UBE3C: variants seen among roughly 807,000 people sequenced by gnomAD.
The protein encoded by UBE3C is ubiquitin-protein ligase E3C.
In UBE3C, 42 loss-of-function variants were observed where a neutral mutation model predicts 129.4. The ratio of observed to expected loss-of-function variants is 0.32; its 90% CI spans 0.25 to 0.42. UBE3C has a LOEUF of 0.42. Among genes scored for constraint, UBE3C ranks in the 10% least tolerant of loss-of-function variants. The pLI is 1.00. For synonymous variants in UBE3C, 510 were observed against 492.4 expected, an observed-to-expected ratio of 1.04 and a Z score of -0.47; for missense variants, 1,049 against 1,319.1, an observed-to-expected ratio of 0.80 and a Z score of 3.17.
intron 17 of UBE3C, among the ~76,000 whole-genome samples, chr7:157,230,743 C>T (rs1796001733): frequency 6.8e-6 from 1 of 146,036 alleles, no homozygotes; most frequent in Non-Finnish European, 1.5e-5. Context: ...ATTTAGGTAT[C>T]TGTATTGGGC....
chr7:157,182,239 T>C lies in UBE3C; in HGVS notation c.902T>C (p.Leu301Pro). 6.2e-7 allele frequency: 1 copy of C among 1,614,230 alleles called. No homozygotes were observed. Among genetic ancestry groups the C allele is most frequent in the Non-Finnish European group, 8.5e-7 (1 of 1,180,036 alleles). The change falls in exon 8 of 23, where the codon CTG becomes CCG. Residue 301 changes from leucine to proline, a missense_variant. Physicochemically the swap from Leu to Pro is moderately conservative, Grantham distance 98 (BLOSUM62 -3). Around this residue, in one of 4 missense-constraint regions of UBE3C, gnomAD observed 489 missense variants for 513.8 expected, o/e 0.95. Coordinates refer to ENST00000348165, the MANE Select transcript of UBE3C (RefSeq NM_014671.3). Reference protein sequence around the residue: ...VFPYEPFLNALLLIESRCSRK... With the variant: ...VFPYEPFLNAPLLIESRCSRK... ...CCTTACGAGCCCTTTCTGAATGCAC[T>C]GTTGTTAATAGAGAGTAGATGTTCA... is the stretch of plus-strand genomic sequence containing the variant.
At chr7:157,179,315 G>A (rs1434419746) in intron 6 of UBE3C, among the ~76,000 whole-genome samples, 1 of 151,946 alleles carries the variant, frequency 6.6e-6, no homozygotes, top group African/African-American at 2.4e-5. Context: ...CCAAGAGTGA[G>A]GTCCTTTCAC....
At chr7:157,140,125 C>G in intron 1 of UBE3C, 3 of 711,606 alleles carry the variant, frequency 4.2e-6, no homozygotes, top group Non-Finnish European at 5.2e-6. Context: ...ACTGGAACCG[C>G]TAAGTCGTTG....
intron 18 of UBE3C, among the ~76,000 whole-genome samples, chr7:157,247,206 C>T (rs1296262741): frequency 6.6e-6 from 1 of 151,990 alleles, no homozygotes; most frequent in East Asian, 1.9e-4. Flanking sequence ...TATTCTAACA[C>T]GAATGGCTTT....
At chr7:157,232,044 C>T (rs1796035120) in intron 18 of UBE3C, among the ~76,000 whole-genome samples, 1 of 152,290 alleles carries the variant, frequency 6.6e-6, no homozygotes, top group African/African-American at 2.4e-5. Context: ...ATCCATTCTT[C>T]TGGTTTTGCC....
chr7:157,234,186 A>G (rs1173535938), intron 18 of UBE3C, among the ~76,000 whole-genome samples: 1 of 147,716 alleles, frequency 6.8e-6, no homozygotes, highest in Non-Finnish European at 1.5e-5. Flanking sequence ...AACATTTTTA[A>G]TTTTGAAGTC....
chr7:157,183,933 C>G lies in UBE3C; in HGVS notation c.1047C>G (p.Leu349=). The G allele has an allele frequency of 6.2e-7, 1 of 1,614,218 alleles. No individual in the cohort carries two copies. The highest frequency in any genetic ancestry group is 8.5e-7 in the Non-Finnish European group (1 of 1,180,044). ...ATTTGCGGGTGCTGCAGACCTTCCT[C>G]TCTCAGTTACCAGTCTCTCCTGCCA... The part of the protein sequence containing the change: ...LVYLRVLQTF[L]SQLPVSPASA... Residue 349 remains leucine, a synonymous_variant, in exon 9 of 23, where the codon CTC becomes CTG. Transcript: ENST00000348165.
At chr7:157,210,230 T>C (rs1288475952) in intron 13 of UBE3C, among the ~76,000 whole-genome samples, 1 of 152,206 alleles carries the variant, frequency 6.6e-6, no homozygotes, top group African/African-American at 2.4e-5. Flanking sequence ...GTGATTGTTT[T>C]AGGTTTGAAA....
At chr7:157,176,936 C>T (rs1253101824) in intron 5 of UBE3C, among the ~76,000 whole-genome samples, 4 of 152,188 alleles carry the variant, frequency 2.6e-5, no homozygotes, top group Non-Finnish European at 5.9e-5. Flanking sequence ...TTATCTGCCA[C>T]GTGCCAGAAC....
At chr7:157,175,394 C>T (rs1483812526) in intron 5 of UBE3C, among the ~76,000 whole-genome samples, 1 of 152,042 alleles carries the variant, frequency 6.6e-6, no homozygotes, top group Non-Finnish European at 1.5e-5. Flanking sequence ...CACCAAAATG[C>T]AGTTTGAAAG....
chr7:157,139,192 G>A lies in UBE3C; in HGVS notation c.-81G>A. The A allele has an allele frequency of 9.4e-7, 1 of 1,059,842 alleles. No homozygotes were observed. The highest frequency in any genetic ancestry group is 1.2e-6 in the Non-Finnish European group (1 of 861,452). The allele number at this position is 1,059,842 out of a possible 1,614,324, so 65.7% of individuals were successfully genotyped here. The stretch of plus-strand genomic sequence containing the variant: ...CCCGGGCCGGGCGGGCGGGCGCCGA[G>A]AGCCTCCCAGCCCGCCCCGTGCCCC... On this transcript the variant is annotated 5_prime_UTR_variant, in exon 1 of 23. Coordinates refer to ENST00000348165, the MANE Select transcript of UBE3C (RefSeq NM_014671.3).
chr7:157,256,827 T>A, intron 21 of UBE3C, 87 bp from the exon 22 acceptor site: 1 of 1,538,752 alleles, frequency 6.5e-7, no homozygotes, highest in Non-Finnish European at 8.8e-7. Context: ...GGACTTTAGT[T>A]TCCGTGGGTG....
intron 18 of UBE3C, 121 bp downstream of exon 18, chr7:157,231,448 A>C (rs1796019455): frequency 1.4e-6 from 2 of 1,461,816 alleles, no homozygotes; most frequent in Non-Finnish European, 1.8e-6. Flanking sequence ...TGGATGCTAA[A>C]TGTTGCAAAA....
At chr7:157,172,422 A>C (rs983496840) in intron 4 of UBE3C, among the ~76,000 whole-genome samples, 1 of 152,240 alleles carries the variant, frequency 6.6e-6, no homozygotes, top group Non-Finnish European at 1.5e-5. Context: ...ACAGTGAAAA[A>C]TAAGTCTTCC....
intron 18 of UBE3C, among the ~76,000 whole-genome samples, chr7:157,235,148 C>T (rs192611091): frequency 1.3e-5 from 2 of 152,150 alleles, no homozygotes; most frequent in African/African-American, 2.4e-5. Flanking sequence ...CAAGGCCTTA[C>T]CATTGCACTC....
intron 14 of UBE3C, among the ~76,000 whole-genome samples, chr7:157,218,227 C>T (rs1795635473): frequency 6.6e-6 from 1 of 152,062 alleles, no homozygotes; most frequent in Non-Finnish European, 1.5e-5. Flanking sequence ...AAGTGGATTG[C>T]CTGAGCTTAG....
chr7:157,243,616 G>C (rs890783175), intron 18 of UBE3C, among the ~76,000 whole-genome samples: 2 of 152,192 alleles, frequency 1.3e-5, no homozygotes, highest in African/African-American at 4.8e-5. Context: ...CTGCATGTGA[G>C]GCGCAGGGGA....
At position 157,171,903 on chromosome 7, in the gene UBE3C, C is replaced by T. The variant is rs1253641322; in HGVS notation, c.342+1453C>T. ...TGTATTTTTAGTGGAGATGGGATGT[C>T]GCCATGTTGGGCAGGCTGGTCTCGA... On this transcript the variant is annotated intron_variant, in intron 4 of 22. Coordinates refer to ENST00000348165, the MANE Select transcript of UBE3C (RefSeq NM_014671.3). 4.0e-5 allele frequency among the ~76,000 whole-genome samples: 6 copies of T among 150,552 alleles called. No homozygotes were observed. The East Asian group carries it at 7.8e-4, about 20-fold the overall frequency.
At chr7:157,185,999 A>T (rs1808795257) in intron 9 of UBE3C, among the ~76,000 whole-genome samples, 1 of 152,202 alleles carries the variant, frequency 6.6e-6, no homozygotes, top group Non-Finnish European at 1.5e-5. Flanking sequence ...TACATATGAA[A>T]AAAGTATATA....
Sources: gnomAD v4.1 joint callset for allele counts (sites outside exome capture counted in the v4.1 genomes callset) on GRCh38, gnomAD v4.1.1 for gene constraint, gnomAD v4.1.1 regional missense constraint, MANE v1.5 for transcripts, NCBI Gene and HGNC (gene_info 2026-07-23, HGNC 2026-07-21) for gene names.